Variants in DKK2 observed in about 807,000 individuals in gnomAD.
DKK2 encodes dickkopf Wnt signaling pathway inhibitor 2, also known as dickkopf-related protein 2.
In DKK2, 11 loss-of-function variants were observed where a neutral mutation model predicts 28.1. That is an observed-to-expected ratio of 0.39 (90% CI 0.25 to 0.65). The LOEUF (loss-of-function observed/expected upper bound fraction) is 0.65, where lower values mean the gene tolerates loss of function less well. Ranked by LOEUF, DKK2 falls within the 30% of genes least tolerant of loss-of-function variation. DKK2 has a pLI of 0.47. For synonymous variants in DKK2, 135 were observed against 126.5 expected, an observed-to-expected ratio of 1.07 and a Z score of -0.45; for missense variants, 326 against 335.5, an observed-to-expected ratio of 0.97 and a Z score of 0.22.
intron 1 of DKK2, among the ~76,000 whole-genome samples, chr4:106,990,995 G>A (rs1214582912): frequency 1.3e-5 from 2 of 152,156 alleles, no homozygotes; most frequent in African/African-American, 4.8e-5. Context: ...GCAGGCATCA[G>A]ATTGTTTATT....
chr4:106,974,497 A>T (rs1027093921), intron 1 of DKK2, among the ~76,000 whole-genome samples: 4 of 151,842 alleles, frequency 2.6e-5, no homozygotes, highest in African/African-American at 9.7e-5. Flanking sequence ...TATTCTCTTC[A>T]TGGCAATTGT....
intron 1 of DKK2, among the ~76,000 whole-genome samples, chr4:106,941,373 G>A (rs941838325): frequency 2.6e-5 from 4 of 152,114 alleles, no homozygotes; most frequent in Non-Finnish European, 1.5e-5. Flanking sequence ...AAGATTGCTT[G>A]TCCATTAGTA....
intron 1 of DKK2, among the ~76,000 whole-genome samples, chr4:107,021,748 A>T (rs1036236642): frequency 3.3e-5 from 5 of 152,124 alleles, no homozygotes; most frequent in Non-Finnish European, 5.9e-5. Context: ...TGAGTCATTT[A>T]CGAAGGCAAA....
intron 1 of DKK2, among the ~76,000 whole-genome samples, chr4:107,008,654 A>G (rs926017931): frequency 1.3e-5 from 2 of 152,028 alleles, no homozygotes; most frequent in Admixed American, 1.3e-4. Context: ...GCCACAATGT[A>G]GAAGATCAAA....
At chr4:106,968,754 TA>T (rs1468241906) in intron 1 of DKK2, among the ~76,000 whole-genome samples, 31 of 152,116 alleles carry the variant, frequency 2.0e-4, no homozygotes, top group Admixed American at 3.9e-4. Flanking sequence ...AATGAGTTGG[TA>T]AGATTCCCAA....
At position 107,035,567 on chromosome 4, in the gene DKK2, C is replaced by A. The variant is rs928657528; in HGVS notation, c.25G>T (p.Asp9Tyr). Residue 9 changes from aspartate (D) to tyrosine (Y), a missense_variant, in exon 1 of 4, where the codon GAT (aspartate) becomes TAT (tyrosine). Transcript: ENST00000285311. ...AGTAGGAGCAGGCAGCAGGACGAATCCTTGCTCCGCATCAACGCGGCCATC... is the reference window on the plus strand; with the variant it reads ...AGTAGGAGCAGGCAGCAGGACGAATACTTGCTCCGCATCAACGCGGCCATC... Reference protein sequence around the residue: MAALMRSKDSSCCLLLLAA... With the variant: MAALMRSKYSSCCLLLLAA... 11 of 1,614,054 alleles carry A rather than the reference C, an allele frequency of 6.8e-6. No homozygotes were observed. The Admixed American group carries it at 1.0e-4, about 15-fold the overall frequency.
intron 1 of DKK2, among the ~76,000 whole-genome samples, chr4:106,983,333 A>AAAGG (rs373476632): frequency 1.6e-5 from 2 of 121,426 alleles, no homozygotes; most frequent in Admixed American, 9.3e-5. Flanking sequence ...AGAAAGGAAG[A>AAAGG]AAGGAAGAAA....
chr4:106,959,871 C>T (rs1347909604), intron 1 of DKK2, among the ~76,000 whole-genome samples: 1 of 151,874 alleles, frequency 6.6e-6, no homozygotes, highest in East Asian at 1.9e-4. Flanking sequence ...AATGCCCTTT[C>T]AGAGTTTGTT....
intron 1 of DKK2, among the ~76,000 whole-genome samples, chr4:107,001,599 T>C (rs1048740717): frequency 1.3e-5 from 2 of 152,212 alleles, no homozygotes; most frequent in African/African-American, 4.8e-5. Context: ...TGGAAGATGC[T>C]TGGTGCTCAG....
chr4:107,032,494 C>T (rs1024322764), intron 1 of DKK2, among the ~76,000 whole-genome samples: 6 of 152,072 alleles, frequency 3.9e-5, no homozygotes, highest in African/African-American at 1.4e-4. Context: ...CTCATTTTCA[C>T]TTTTGTAGAT....
intron 1 of DKK2, among the ~76,000 whole-genome samples, chr4:106,995,698 C>A (rs554894535): frequency 6.6e-6 from 1 of 152,200 alleles, no homozygotes; most frequent in East Asian, 1.9e-4. Flanking sequence ...CTGCAACCTG[C>A]GCCTCCTGGG....
intron 1 of DKK2, among the ~76,000 whole-genome samples, chr4:106,941,362 C>T (rs1724696293): frequency 6.6e-6 from 1 of 152,110 alleles, no homozygotes; most frequent in South Asian, 2.1e-4. Context: ...GAGCTTTGAA[C>T]AAGATTGCTT....
At position 106,970,564 on chromosome 4, in the gene DKK2, A is replaced by G. The variant is rs573600295; in HGVS notation, c.223-44615T>C. Among the ~76,000 whole-genome samples the G allele has an allele frequency of 3.9e-5, 6 of 152,216 alleles. No individual in the cohort carries two copies. In the East Asian group the frequency reaches 1.2e-3, roughly 29 times the overall value. On this transcript the variant is annotated intron_variant, in intron 1 of 3. Transcript: ENST00000285311. ...CTCATCATCAAGAATCTCTTGATTG[A>G]CAATCCCTGTTGCTATTACAGAACC...
chr4:106,977,012 G>A (rs557029017), intron 1 of DKK2, among the ~76,000 whole-genome samples: 39 of 152,206 alleles, frequency 2.6e-4, no homozygotes, highest in African/African-American at 8.9e-4. Flanking sequence ...TAGTTTGGCT[G>A]GATATGAAAT....
intron 1 of DKK2, among the ~76,000 whole-genome samples, chr4:106,976,571 T>A (rs1722949075): frequency 6.6e-6 from 1 of 152,216 alleles, no homozygotes; most frequent in East Asian, 1.9e-4. Context: ...CCTCTGCTTT[T>A]TTTTCTTTCC....
chr4:106,989,537 C>T (rs1239354127), intron 1 of DKK2, among the ~76,000 whole-genome samples: 1 of 152,140 alleles, frequency 6.6e-6, no homozygotes, highest in South Asian at 2.1e-4. Flanking sequence ...ATTCAGGGAA[C>T]ATTTTTCAGA....
chr4:106,968,502 T>C (rs1722816830), intron 1 of DKK2, among the ~76,000 whole-genome samples: 2 of 152,170 alleles, frequency 1.3e-5, no homozygotes, highest in Non-Finnish European at 2.9e-5. Flanking sequence ...CATGTCCTTT[T>C]ACTCTGTCTC....
chr4:106,992,860 G>T (rs1420607427), intron 1 of DKK2, among the ~76,000 whole-genome samples: 3 of 152,156 alleles, frequency 2.0e-5, no homozygotes, highest in Non-Finnish European at 2.9e-5. Flanking sequence ...AGCACTTTGG[G>T]CTTGTTGCTA....
chr4:107,028,903 T>A, intron 1 of DKK2, among the ~76,000 whole-genome samples: 1 of 152,172 alleles, frequency 6.6e-6, no homozygotes, highest in Non-Finnish European at 1.5e-5. Context: ...TTGTTGCTGG[T>A]TTTGAAGAAA....
Sources: allele counts gnomAD v4.1 joint callset (sites outside exome capture counted in the v4.1 genomes callset), GRCh38; gene constraint gnomAD v4.1.1; transcripts MANE v1.5; gene names NCBI Gene and HGNC (gene_info 2026-07-23, HGNC 2026-07-21).